The following SLC24A3 variants were observed in gnomAD, a reference collection of about 807,000 sequenced individuals.
SLC24A3 encodes the protein solute carrier family 24 member 3, also known as sodium/potassium/calcium exchanger 3.
In SLC24A3, 28 loss-of-function variants were observed where a neutral mutation model predicts 75.8. That is an observed-to-expected ratio of 0.37 (90% CI 0.27 to 0.51). The LOEUF is 0.51. SLC24A3 is among the 20% of genes least tolerant of loss of function. The pLI is 0.94. For missense variants in SLC24A3, 663 were observed against 847.8 expected (o/e 0.78, Z 2.71); for synonymous variants, 372 against 334.1 (o/e 1.11, Z -1.24).
intron 2 of SLC24A3, among the ~76,000 whole-genome samples, chr20:19,487,273 C>T (rs1170751881): frequency 6.6e-6 from 1 of 152,126 alleles, no homozygotes; most frequent in Non-Finnish European, 1.5e-5. Flanking sequence ...AGACCCCATG[C>T]GTTAGGAATC....
intron 4 of SLC24A3, among the ~76,000 whole-genome samples, chr20:19,583,215 G>A (rs2031243779): frequency 6.6e-6 from 1 of 152,186 alleles, no homozygotes; most frequent in Non-Finnish European, 1.5e-5. Context: ...GGGAAGGAGA[G>A]ATTGACGCTG....
intron 1 of SLC24A3, among the ~76,000 whole-genome samples, chr20:19,273,964 T>C (rs1473261336): frequency 6.6e-6 from 1 of 150,830 alleles, no homozygotes; most frequent in African/African-American, 2.4e-5. Context: ...AGGCCTCCCT[T>C]TAATCCAAAG....
At chr20:19,523,519 G>T (rs1002059816) in intron 3 of SLC24A3, among the ~76,000 whole-genome samples, 1 of 152,166 alleles carries the variant, frequency 6.6e-6, no homozygotes, top group African/African-American at 2.4e-5. Context: ...TTGATCATGA[G>T]ACTTAATTCA....
intron 6 of SLC24A3, among the ~76,000 whole-genome samples, chr20:19,608,256 A>G (rs1029497879): frequency 1.3e-5 from 2 of 152,198 alleles, no homozygotes; most frequent in African/African-American, 4.8e-5. Flanking sequence ...TTGTTCTGGT[A>G]TTTGCTTTCT....
At chr20:19,547,401 A>T (rs924716188) in intron 3 of SLC24A3, among the ~76,000 whole-genome samples, 2 of 152,188 alleles carry the variant, frequency 1.3e-5, no homozygotes. Context: ...ACTGGCTGCA[A>T]ATGGACATGG....
At chr20:19,700,743 A>G (rs1267485593) in intron 15 of SLC24A3, among the ~76,000 whole-genome samples, 1 of 152,200 alleles carries the variant, frequency 6.6e-6, no homozygotes, top group Admixed American at 6.5e-5. Context: ...TTTCCTCAAA[A>G]TCTCATTGGA....
intron 2 of SLC24A3, among the ~76,000 whole-genome samples, chr20:19,436,836 C>A (rs992961128): frequency 2.0e-5 from 3 of 152,136 alleles, no homozygotes; most frequent in African/African-American, 7.2e-5. Context: ...AACTGAGGGA[C>A]CATTTTTGGT....
intron 3 of SLC24A3, among the ~76,000 whole-genome samples, chr20:19,521,515 G>A (rs1202107900): frequency 6.6e-6 from 1 of 152,072 alleles, no homozygotes; most frequent in Non-Finnish European, 1.5e-5. Flanking sequence ...TCTTGAAGGA[G>A]CATGAGGCTG....
At chr20:19,329,565 T>G (rs996770155) in intron 2 of SLC24A3, among the ~76,000 whole-genome samples, 4 of 152,254 alleles carry the variant, frequency 2.6e-5, no homozygotes, top group Non-Finnish European at 5.9e-5. Context: ...CATTATAATG[T>G]TTGATTGTTT....
chr20:19,604,499 G>A (rs1229213573), intron 6 of SLC24A3, among the ~76,000 whole-genome samples: 21 of 152,168 alleles, frequency 1.4e-4, no homozygotes, highest in Admixed American at 1.4e-3. Flanking sequence ...TGGGTGGGGG[G>A]TCCTGGGGCC....
intron 6 of SLC24A3, among the ~76,000 whole-genome samples, chr20:19,637,291 ACT>A (rs1455672419): frequency 2.0e-5 from 3 of 152,196 alleles, no homozygotes; most frequent in Non-Finnish European, 2.9e-5. Flanking sequence ...ACAGAGCAAG[ACT>A]CTGTCTCAAA....
chr20:19,638,463 G>A lies in SLC24A3; in HGVS notation c.613-15599G>A, dbSNP rs116800563. Among the ~76,000 whole-genome samples the A allele has an allele frequency of 2.0e-3, 303 of 152,212 alleles. 2 individuals are homozygous for A. Among genetic ancestry groups the A allele is most frequent in the African/African-American group, 7.1e-3 (294 of 41,532 alleles). On this transcript the variant is annotated intron_variant, in intron 6 of 16. Coordinates refer to ENST00000328041, the MANE Select transcript of SLC24A3 (RefSeq NM_020689.4). Reference sequence around the variant, plus strand: ...TAATTTTATTGAATATGGGAATAAAGTCCTTAAGATACCCACTTGAGGAAC... The same window carrying A: ...TAATTTTATTGAATATGGGAATAAAATCCTTAAGATACCCACTTGAGGAAC...
intron 3 of SLC24A3, among the ~76,000 whole-genome samples, chr20:19,554,712 T>C (rs1568654552): frequency 6.6e-6 from 1 of 152,204 alleles, no homozygotes; most frequent in African/African-American, 2.4e-5. Flanking sequence ...CCCAGAGTAA[T>C]ACATCAGGGG....
At chr20:19,217,860 G>T (rs1981605199) in intron 1 of SLC24A3, among the ~76,000 whole-genome samples, 1 of 152,166 alleles carries the variant, frequency 6.6e-6, no homozygotes, top group South Asian at 2.1e-4. Flanking sequence ...CTCACTACCT[G>T]GCTCGAGATC....
rs77393197 is a variant in SLC24A3 at position 19,718,184 on chromosome 20, T to A, written c.1785+591T>A. 3.3e-3 allele frequency among the ~76,000 whole-genome samples: 495 copies of A among 152,288 alleles called. 7 individuals are homozygous for A. In the East Asian group the frequency reaches 0.046, roughly 14 times the overall value. ...TTTTTTCCTTAATTATTCAAGGAAA[T>A]AGTCATTGAGTTACACCTGGCATGT... On this transcript the variant is annotated intron_variant, in intron 16 of 16. Transcript: ENST00000328041.
chr20:19,295,083 G>T lies in SLC24A3; in HGVS notation c.271+13996G>T, dbSNP rs548824643. ...ATATTGAGCTTTTGTTCATATGTTT[G>T]TTGGCCGTACAAATGTCTTCTTTTG... On this transcript the variant is annotated intron_variant, in intron 2 of 16. Transcript: ENST00000328041. Among the ~76,000 whole-genome samples, 13 of 152,158 alleles carry T rather than the reference G, an allele frequency of 8.5e-5. No individual in the cohort carries two copies. The South Asian group carries it at 2.5e-3, about 29-fold the overall frequency.
chr20:19,325,753 TATAC>T (rs1283913857), intron 2 of SLC24A3, among the ~76,000 whole-genome samples: 2 of 71,218 alleles, frequency 2.8e-5, no homozygotes, highest in Admixed American at 2.9e-4. Flanking sequence ...TGTGTGTGTG[TATAC>T]ATACATACAT....
At chr20:19,247,818 T>A in intron 1 of SLC24A3, among the ~76,000 whole-genome samples, 1 of 152,248 alleles carries the variant, frequency 6.6e-6, no homozygotes, top group East Asian at 1.9e-4. Flanking sequence ...AATTTAAAGT[T>A]ACATATGTGA....
chr20:19,379,313 C>T (rs908020131), intron 2 of SLC24A3, among the ~76,000 whole-genome samples: 3 of 152,124 alleles, frequency 2.0e-5, no homozygotes, highest in African/African-American at 7.2e-5. Flanking sequence ...CAGGGATCTT[C>T]ACTCTGGAGT....
Sources: gnomAD v4.1 joint callset for allele counts (sites outside exome capture counted in the v4.1 genomes callset) on GRCh38, gnomAD v4.1.1 for gene constraint, MANE v1.5 for transcripts, NCBI Gene and HGNC (gene_info 2026-07-23, HGNC 2026-07-21) for gene names.